TEX9: variants seen among roughly 807,000 people sequenced by gnomAD.
The protein encoded by TEX9 is testis expressed 9.
Under a neutral mutation model 59.6 loss-of-function variants are expected in TEX9, and 74 were observed. That is an observed-to-expected ratio of 1.24 (90% CI 1.03 to 1.51). The LOEUF is 1.51. Among genes scored for constraint, TEX9 ranks in the 40% most tolerant of loss-of-function variants. TEX9 has a pLI of 0.00. For synonymous variants in TEX9, 186 were observed against 152.2 expected, an observed-to-expected ratio of 1.22 and a Z score of -1.64; for missense variants, 522 against 447.8, an observed-to-expected ratio of 1.17 and a Z score of -1.49.
At chr15:56,446,556 T>C (rs930425548), downstream of TEX9, among the ~76,000 whole-genome samples, 1 of 151,952 alleles carries the variant, frequency 6.6e-6, no homozygotes, top group East Asian at 1.9e-4. Flanking sequence ...TAACAATTTG[T>C]ACTGTACTAC....
At chr15:56,368,000 C>T (rs2047023339) in intron 2 of TEX9, among the ~76,000 whole-genome samples, 1 of 152,168 alleles carries the variant, frequency 6.6e-6, no homozygotes, top group African/African-American at 2.4e-5. Flanking sequence ...CCTACATTCT[C>T]TCTTTTTCTC....
At chr15:56,295,439 A>C (rs1339711962) in intron 1 of TEX9, among the ~76,000 whole-genome samples, 1 of 152,216 alleles carries the variant, frequency 6.6e-6, no homozygotes, top group African/African-American at 2.4e-5. Context: ...CTGGTGTCCA[A>C]GTAGAAACCA....
chr15:56,304,954 A>T (rs1220580905), intron 1 of TEX9, among the ~76,000 whole-genome samples: 2 of 152,144 alleles, frequency 1.3e-5, no homozygotes, highest in African/African-American at 4.8e-5. Flanking sequence ...AACTCCTGTG[A>T]CTCAAGCGAA....
intron 1 of TEX9, among the ~76,000 whole-genome samples, chr15:56,290,904 A>G (rs1198765193): frequency 6.6e-6 from 1 of 152,038 alleles, no homozygotes; most frequent in Non-Finnish European, 1.5e-5. Flanking sequence ...GGGAGAATGA[A>G]GGCCTTTATC....
chr15:56,434,406 C>G (rs758090229), intron 12 of TEX9: 1 of 1,600,832 alleles, frequency 6.2e-7, no homozygotes, highest in Non-Finnish European at 8.5e-7. Flanking sequence ...CTAAACAATA[C>G]AGCTGAAAGT....
intron 9 of TEX9, among the ~76,000 whole-genome samples, chr15:56,400,368 TGAAA>T (rs2048708479): frequency 6.6e-6 from 1 of 151,990 alleles, no homozygotes; most frequent in Non-Finnish European, 1.5e-5. Context: ...TTTGATCAAG[TGAAA>T]GAAAGGGTAT....
chr15:56,390,017 CT>C (rs1367257817), intron 6 of TEX9, among the ~76,000 whole-genome samples: 1 of 151,616 alleles, frequency 6.6e-6, no homozygotes, highest in East Asian at 1.9e-4. Flanking sequence ...CTTACCCAGG[CT>C]GATCATTGTA....
intron 1 of TEX9, among the ~76,000 whole-genome samples, chr15:56,328,829 C>T (rs149279997): frequency 6.6e-5 from 10 of 152,318 alleles, no homozygotes; most frequent in African/African-American, 2.2e-4. Context: ...TCCTGTATGG[C>T]ATCACTGGAC....
intron 9 of TEX9, among the ~76,000 whole-genome samples, chr15:56,407,662 C>G (rs1289649998): frequency 6.6e-6 from 1 of 152,064 alleles, no homozygotes; most frequent in Admixed American, 6.6e-5. Context: ...ATTTGCTACC[C>G]TCACTTTCTG....
chr15:56,321,477 A>T (rs2045901727), intron 1 of TEX9, among the ~76,000 whole-genome samples: 1 of 152,208 alleles, frequency 6.6e-6, no homozygotes, highest in Admixed American at 6.5e-5. Context: ...GCTTAAAAGG[A>T]TCTTTGGACT....
At chr15:56,385,760 A>T (rs567362866) in intron 4 of TEX9, among the ~76,000 whole-genome samples, 1 of 152,160 alleles carries the variant, frequency 6.6e-6, no homozygotes, top group South Asian at 2.1e-4. Flanking sequence ...AACTATGGGT[A>T]CCCCGCCTTC....
intron 12 of TEX9, among the ~76,000 whole-genome samples, chr15:56,441,681 A>C (rs2050816431): frequency 1.3e-5 from 2 of 152,214 alleles, no homozygotes. Context: ...TCTAATATCC[A>C]TAATATCTAA....
At chr15:56,250,976 CACTT>C (rs1295213758) in intron 1 of TEX9, among the ~76,000 whole-genome samples, 2 of 152,180 alleles carry the variant, frequency 1.3e-5, no homozygotes, top group East Asian at 1.9e-4. Context: ...GGAACCATGA[CACTT>C]ACCACACTCT....
At position 56,370,818 on chromosome 15, in the gene TEX9, T is replaced by A. The variant is rs548804668; in HGVS notation, c.120-2623T>A. On this transcript the variant is annotated intron_variant, in intron 2 of 12. Coordinates refer to ENST00000352903, the Ensembl canonical transcript of TEX9. ...TCTTCAGTTTGGGAAATTCTCAGCA[T>A]TAGCTCTTGAAATACTGTCATTCTC... Among the ~76,000 whole-genome samples, 4 of 152,296 alleles carry A rather than the reference T, an allele frequency of 2.6e-5. No individual in the cohort carries two copies. In the East Asian group the frequency reaches 7.7e-4, roughly 29 times the overall value.
chr15:56,386,421 G>A (rs2047963656), intron 4 of TEX9, among the ~76,000 whole-genome samples: 1 of 151,844 alleles, frequency 6.6e-6, no homozygotes, highest in South Asian at 2.1e-4. Flanking sequence ...ATTGTGTGAT[G>A]TATCAATTAT....
At chr15:56,334,000 C>G (rs2718903) in intron 1 of TEX9, among the ~76,000 whole-genome samples, 1 of 151,966 alleles carries the variant, frequency 6.6e-6, no homozygotes, top group African/African-American at 2.4e-5. Flanking sequence ...AACACTGATA[C>G]AAGAAATTGA....
chr15:56,248,527 T>G lies in TEX9; in HGVS notation c.-107+4249T>G, dbSNP rs74017498. ...AAGTTCACATAATATACTCAGCTCT[T>G]CAAGTGAGTAGTATGATGAAACAAA... is the stretch of plus-strand genomic sequence containing the variant. On this transcript the variant is annotated intron_variant, in intron 1 of 5. Coordinates refer to the TEX9 transcript ENST00000560827. Among the ~76,000 whole-genome samples, 701 of 152,284 alleles carry G rather than the reference T, an allele frequency of 4.6e-3. 12 individuals are homozygous for G. Among genetic ancestry groups the G allele is most frequent in the African/African-American group, 0.016 (684 of 41,552 alleles).
At chr15:56,376,038 A>G (rs957816099) in intron 3 of TEX9, among the ~76,000 whole-genome samples, 1 of 141,954 alleles carries the variant, frequency 7.0e-6, no homozygotes, top group Admixed American at 7.5e-5. Flanking sequence ...ACGTGGACAC[A>G]GGAAGGGGAA....
chr15:56,315,379 G>A (rs1403437426), intron 1 of TEX9, among the ~76,000 whole-genome samples: 19 of 148,064 alleles, frequency 1.3e-4, no homozygotes, highest in African/African-American at 2.2e-4. Context: ...TTGCTTGTCT[G>A]TAAAGTATTT....
Sources: allele counts gnomAD v4.1 joint callset (sites outside exome capture counted in the v4.1 genomes callset), GRCh38; gene constraint gnomAD v4.1.1; transcripts MANE v1.5; gene names NCBI Gene and HGNC (gene_info 2026-07-23, HGNC 2026-07-21).